Variants in MAGI2 observed in about 807,000 individuals in gnomAD.
The protein encoded by MAGI2 is membrane-associated guanylate kinase, WW and PDZ domain-containing protein 2.
Under a neutral mutation model 133.3 loss-of-function variants are expected in MAGI2, and 35 were observed. The observed-to-expected ratio is 0.26, with a 90% confidence interval of 0.20 to 0.35. The LOEUF (loss-of-function observed/expected upper bound fraction) is 0.35. Ranked by LOEUF, MAGI2 falls within the 10% of genes least tolerant of loss-of-function variation. MAGI2 has a pLI of 1.00. For synonymous variants in MAGI2, 729 were observed against 710.6 expected, an observed-to-expected ratio of 1.03 and a Z score of -0.41; for missense variants, 1,636 against 1,863.4, an observed-to-expected ratio of 0.88 and a Z score of 2.25.
intron 9 of MAGI2, among the ~76,000 whole-genome samples, chr7:78,257,429 C>G (rs559875041): frequency 6.6e-6 from 1 of 152,128 alleles, no homozygotes; most frequent in Non-Finnish European, 1.5e-5. Context: ...CTTAGATAAA[C>G]TAATATTTCT....
intron 2 of MAGI2, among the ~76,000 whole-genome samples, chr7:78,674,885 G>A (rs1267763199): frequency 6.6e-6 from 1 of 151,996 alleles, no homozygotes; most frequent in Non-Finnish European, 1.5e-5. Context: ...AAGTATGGAG[G>A]AAAAAAGTGA....
intron 16 of MAGI2, among the ~76,000 whole-genome samples, chr7:78,148,792 C>T (rs1475280620): frequency 6.6e-6 from 1 of 152,056 alleles, no homozygotes; most frequent in Non-Finnish European, 1.5e-5. Context: ...GCAGTGAGCA[C>T]AGACATCAGT....
In MAGI2 at chr7:78,024,566, T is replaced by G. The variant is rs576145748; in HGVS notation, c.3707-4590A>C. ...AATACAACCCACCTGCAAGACTTAT[T>G]AGTCTTATCTTCAAATATATGTGAA... On this transcript the variant is annotated intron_variant, in intron 21 of 21. Transcript: ENST00000354212. Among the ~76,000 whole-genome samples, 5 of 152,334 alleles carry G rather than the reference T, an allele frequency of 3.3e-5. No individual in the cohort carries two copies. In the East Asian group the frequency reaches 9.6e-4, roughly 29 times the overall value.
intron 21 of MAGI2, among the ~76,000 whole-genome samples, chr7:78,038,323 T>C (rs987966917): frequency 6.6e-6 from 1 of 152,228 alleles, no homozygotes; most frequent in Non-Finnish European, 1.5e-5. Flanking sequence ...ATATGGCGTA[T>C]GTGTATATTT....
At chr7:78,813,957 G>C (rs1789326588) in intron 2 of MAGI2, among the ~76,000 whole-genome samples, 1 of 152,108 alleles carries the variant, frequency 6.6e-6, no homozygotes, top group Admixed American at 6.6e-5. Context: ...CTTGAAATGA[G>C]ACAAGAATGT....
chr7:78,274,445 C>A (rs1794865616), intron 9 of MAGI2, among the ~76,000 whole-genome samples: 1 of 152,160 alleles, frequency 6.6e-6, no homozygotes, highest in Non-Finnish European at 1.5e-5. Flanking sequence ...GCAGTCTGTC[C>A]CTTAACAGAG....
intron 16 of MAGI2, among the ~76,000 whole-genome samples, chr7:78,142,893 T>C (rs950796936): frequency 6.6e-6 from 1 of 152,224 alleles, no homozygotes; most frequent in African/African-American, 2.4e-5. Flanking sequence ...TTTCTCTGTA[T>C]GTCCCTGAAA....
At position 79,292,770 on chromosome 7, in the gene MAGI2, C is replaced by CAAACAAAAAAAAAA. The variant is rs1836599854; in HGVS notation, c.301+160249_301+160250insTTTTTTTTTTGTTT. On this transcript the variant is annotated intron_variant, in intron 1 of 21. Coordinates refer to ENST00000354212, the MANE Select transcript of MAGI2 (RefSeq NM_012301.4). Reference sequence around the variant, plus strand: ...TTTTGGACCACTTTGTCAATTTCTGCAAAAAAAAAAAAAAAAAAAAAAAAA... The same window carrying CAAACAAAAAAAAAA: ...TTTTGGACCACTTTGTCAATTTCTGCAAACAAAAAAAAAAAAAAAAAAAAAAAAAAAAAAAAAAA... Among the ~76,000 whole-genome samples, 3 of 57,394 alleles carry CAAACAAAAAAAAAA rather than the reference C, an allele frequency of 5.2e-5. No homozygotes were observed. In the East Asian group the frequency reaches 1.2e-3, roughly 23 times the overall value. The allele number at this position is 57,394 out of a possible 152,430, so 37.7% of individuals were successfully genotyped here.
intron 1 of MAGI2, among the ~76,000 whole-genome samples, chr7:79,237,801 C>A (rs1832056741): frequency 6.6e-6 from 1 of 152,164 alleles, no homozygotes; most frequent in South Asian, 2.1e-4. Context: ...TATTCCTCTG[C>A]TGTTGGGCTT....
chr7:78,916,327 C>T (rs907475233), intron 2 of MAGI2, among the ~76,000 whole-genome samples: 6 of 151,790 alleles, frequency 4.0e-5, no homozygotes, highest in Non-Finnish European at 7.4e-5. Flanking sequence ...GAACTCTATC[C>T]CGATTGCTTT....
intron 21 of MAGI2, among the ~76,000 whole-genome samples, chr7:78,032,700 A>C (rs1438152736): frequency 1.3e-5 from 2 of 152,210 alleles, no homozygotes; most frequent in African/African-American, 4.8e-5. Flanking sequence ...AAGAAAAATA[A>C]GGTAAGTTAA....
chr7:78,539,283 T>A (rs996943865), intron 3 of MAGI2, among the ~76,000 whole-genome samples: 12 of 152,218 alleles, frequency 7.9e-5, no homozygotes, highest in Non-Finnish European at 1.8e-4. Flanking sequence ...TTGTCATTTT[T>A]GTTTTTAATT....
chr7:78,174,081 G>A (rs1474995266), intron 14 of MAGI2, among the ~76,000 whole-genome samples: 1 of 152,110 alleles, frequency 6.6e-6, no homozygotes, highest in African/African-American at 2.4e-5. Context: ...GAACTTAGAG[G>A]CCTCAGAAAA....
At chr7:78,054,985 T>C in intron 21 of MAGI2, among the ~76,000 whole-genome samples, 1 of 151,840 alleles carries the variant, frequency 6.6e-6, no homozygotes, top group East Asian at 1.9e-4. Flanking sequence ...TTTCTTAACC[T>C]TATTTCATTC....
At chr7:79,309,280 T>C (rs952739491) in intron 1 of MAGI2, among the ~76,000 whole-genome samples, 10 of 151,860 alleles carry the variant, frequency 6.6e-5, no homozygotes, top group Non-Finnish European at 1.2e-4. Flanking sequence ...GCAATACATA[T>C]AGATAAATCT....
intron 9 of MAGI2, among the ~76,000 whole-genome samples, chr7:78,305,045 C>T (rs1435141014): frequency 6.6e-6 from 1 of 152,170 alleles, no homozygotes; most frequent in African/African-American, 2.4e-5. Flanking sequence ...AGGGCAGTGT[C>T]TTTTTTATTT....
At chr7:79,106,369 G>A (rs117729795) in intron 1 of MAGI2, among the ~76,000 whole-genome samples, 66 of 151,564 alleles carry the variant, frequency 4.4e-4, no homozygotes, top group Middle Eastern at 3.4e-3. Flanking sequence ...TGATGGAAAG[G>A]TAACAGGATT....
At chr7:78,614,785 G>C (rs1806894102) in intron 3 of MAGI2, 1 of 152,088 alleles carries the variant, frequency 6.6e-6, no homozygotes, top group African/African-American at 2.4e-5. Flanking sequence ...ACATTTGTCT[G>C]GCATTTTCAA....
At chr7:78,079,245 T>C (rs543514083) in intron 20 of MAGI2, among the ~76,000 whole-genome samples, 160 bp from the exon 21 acceptor site, 112 of 152,350 alleles carry the variant, frequency 7.4e-4, no homozygotes, top group African/African-American at 2.5e-3. Flanking sequence ...GGCTGCATCC[T>C]GAATCTGATC....
Sources: allele counts gnomAD v4.1 joint callset (sites outside exome capture counted in the v4.1 genomes callset), GRCh38; gene constraint gnomAD v4.1.1; transcripts MANE v1.5; gene names NCBI Gene and HGNC (gene_info 2026-07-23, HGNC 2026-07-21).